Variants in MCTP1 observed in about 807,000 individuals in gnomAD.
MCTP1 encodes multiple C2 and transmembrane domain containing 1.
In MCTP1, 69 loss-of-function variants were observed where a neutral mutation model predicts 120.6. That is an observed-to-expected ratio of 0.57 (90% CI 0.47 to 0.70). The LOEUF (loss-of-function observed/expected upper bound fraction) is 0.70, where lower values mean the gene tolerates loss of function less well. Among genes scored for constraint, MCTP1 ranks in the 30% least tolerant of loss-of-function variants. MCTP1 has a pLI of 0.00. For synonymous variants in MCTP1, 529 were observed against 493.1 expected (o/e 1.07, Z -0.96); for missense variants, 1,203 against 1,248.8 (o/e 0.96, Z 0.55).
intron 1 of MCTP1, among the ~76,000 whole-genome samples, chr5:95,089,497 T>C (rs1435994132): frequency 2.6e-5 from 4 of 152,214 alleles, no homozygotes; most frequent in Admixed American, 6.5e-5. Flanking sequence ...TTATTAAGAA[T>C]AATACTTTGG....
intron 1 of MCTP1, among the ~76,000 whole-genome samples, chr5:95,161,610 A>G (rs1301069870): frequency 2.6e-5 from 4 of 152,192 alleles, no homozygotes; most frequent in Non-Finnish European, 1.5e-5. Flanking sequence ...CACAAAAAAT[A>G]TGTAATAAAT....
At chr5:94,935,660 C>A (rs1436727110) in intron 5 of MCTP1, among the ~76,000 whole-genome samples, 1 of 152,020 alleles carries the variant, frequency 6.6e-6, no homozygotes. Context: ...TTTGAACTAA[C>A]ATCTTCAGTG....
At chr5:94,798,455 A>G (rs924920546) in intron 18 of MCTP1, among the ~76,000 whole-genome samples, 3 of 152,162 alleles carry the variant, frequency 2.0e-5, no homozygotes, top group African/African-American at 4.8e-5. Flanking sequence ...CCTAGGTTAA[A>G]TGAAAGCTCC....
intron 1 of MCTP1, among the ~76,000 whole-genome samples, chr5:95,279,780 G>A (rs1760164311): frequency 6.6e-6 from 1 of 152,162 alleles, no homozygotes; most frequent in Non-Finnish European, 1.5e-5. Context: ...GGAATAAGCT[G>A]ATGATCCGAG....
At chr5:95,205,857 T>C (rs1306032050) in intron 1 of MCTP1, among the ~76,000 whole-genome samples, 2 of 152,034 alleles carry the variant, frequency 1.3e-5, no homozygotes, top group Non-Finnish European at 2.9e-5. Flanking sequence ...CTCACTAACA[T>C]AACTACAATC....
At chr5:94,999,470 A>ATG (rs1833237109) in intron 2 of MCTP1, among the ~76,000 whole-genome samples, 1 of 152,194 alleles carries the variant, frequency 6.6e-6, no homozygotes, top group South Asian at 2.1e-4. Flanking sequence ...GTCTATGCAC[A>ATG]TGATGAAGAA....
chr5:94,932,958 A>G (rs894213508), intron 5 of MCTP1, among the ~76,000 whole-genome samples: 4 of 151,986 alleles, frequency 2.6e-5, no homozygotes, highest in African/African-American at 9.7e-5. Context: ...AAATGAAAAG[A>G]TTTTTAATAT....
intron 1 of MCTP1, among the ~76,000 whole-genome samples, chr5:95,060,606 G>A (rs145242597): frequency 7.4e-4 from 113 of 152,256 alleles, no homozygotes; most frequent in African/African-American, 2.6e-3. Flanking sequence ...ATCGTCTGTT[G>A]CTAGTTTATG....
At chr5:95,178,112 C>G (rs2152509621) in intron 1 of MCTP1, among the ~76,000 whole-genome samples, 1 of 152,280 alleles carries the variant, frequency 6.6e-6, no homozygotes, top group East Asian at 1.9e-4. Flanking sequence ...TGTGACTCAG[C>G]AAAGGCAGCC....
At chr5:94,783,373 T>C (rs776542214) in intron 18 of MCTP1, among the ~76,000 whole-genome samples, 5 of 152,148 alleles carry the variant, frequency 3.3e-5, no homozygotes, top group Admixed American at 6.6e-5. Context: ...CTATAGACCA[T>C]ATATTTTATG....
chr5:94,708,576 G>A lies in MCTP1; in HGVS notation c.2864C>T (p.Pro955Leu), dbSNP rs1217027781. 6.2e-7 allele frequency: 1 copy of A among 1,610,836 alleles called. No homozygotes were observed. The change falls in exon 22 of 23, where the codon CCA becomes CTA. Residue 955 changes from proline to leucine, a missense_variant. By Grantham distance (98) the Pro-to-Leu change is moderately conservative. Coordinates refer to ENST00000515393, the MANE Select transcript of MCTP1 (RefSeq NM_024717.7). ...TAGTTCATTGTTATCAATTGCATATGGACTCCGAAGCTTTTTTGTAAATTT... is the reference window on the plus strand; with the variant it reads ...TAGTTCATTGTTATCAATTGCATATAGACTCCGAAGCTTTTTTGTAAATTT... ...INKFTKKLRS[P>L]YAIDNNELLD...
At chr5:94,830,137 A>C (rs1242302045) in intron 17 of MCTP1, among the ~76,000 whole-genome samples, 1 of 152,232 alleles carries the variant, frequency 6.6e-6, no homozygotes, top group Non-Finnish European at 1.5e-5. Flanking sequence ...GAGGTAAACA[A>C]AAGATTAAAA....
chr5:94,778,621 G>A (rs1225785968), intron 19 of MCTP1, among the ~76,000 whole-genome samples: 3 of 152,110 alleles, frequency 2.0e-5, no homozygotes, highest in Non-Finnish European at 4.4e-5. Context: ...CGGCAAGGGC[G>A]GTGAGCACTG....
intron 1 of MCTP1, among the ~76,000 whole-genome samples, chr5:95,236,965 G>T (rs560427838): frequency 6.6e-6 from 1 of 152,108 alleles, no homozygotes; most frequent in Non-Finnish European, 1.5e-5. Flanking sequence ...TCTTATTTAA[G>T]CCATTTTTAG....
chr5:95,245,372 A>G (rs1328548795), intron 1 of MCTP1, among the ~76,000 whole-genome samples: 1 of 152,188 alleles, frequency 6.6e-6, no homozygotes, highest in Non-Finnish European at 1.5e-5. Context: ...ATACTAAGAA[A>G]CTTCTCCGAG....
At chr5:94,710,123 A>G (rs1756316726) in intron 21 of MCTP1, 1 of 152,124 alleles carries the variant, frequency 6.6e-6, no homozygotes, top group Non-Finnish European at 1.5e-5. Flanking sequence ...TAGATCCTAG[A>G]GACTGAAAAT....
chr5:95,146,843 G>A (rs1214244018), intron 1 of MCTP1, among the ~76,000 whole-genome samples: 1 of 152,092 alleles, frequency 6.6e-6, no homozygotes, highest in East Asian at 1.9e-4. Flanking sequence ...TAAAAACCGT[G>A]TATATTTTGT....
intron 1 of MCTP1, among the ~76,000 whole-genome samples, chr5:95,206,947 T>C (rs1751692377): frequency 6.6e-6 from 1 of 152,192 alleles, no homozygotes; most frequent in African/African-American, 2.4e-5. Context: ...TTTCAGGAAA[T>C]TTGTTCATTA....
rs1181673647 is a variant in MCTP1, at chr5:94,881,405, A to C, written c.1933+7474T>G. On this transcript the variant is annotated intron_variant, in intron 12 of 22. Coordinates refer to ENST00000515393, the MANE Select transcript of MCTP1 (RefSeq NM_024717.7). ...CTTCTGATTAAATTTTCTAGAAGGAAGTTTGCTCTTTGGACCTAAACCTTG... is the reference window on the plus strand; with the variant it reads ...CTTCTGATTAAATTTTCTAGAAGGACGTTTGCTCTTTGGACCTAAACCTTG... Among the ~76,000 whole-genome samples the C allele has an allele frequency of 2.6e-5, 4 of 152,264 alleles. No individual in the cohort carries two copies. In the South Asian group the frequency reaches 8.3e-4, roughly 32 times the overall value.
Sources: allele counts gnomAD v4.1 joint callset (sites outside exome capture counted in the v4.1 genomes callset), GRCh38; gene constraint gnomAD v4.1.1; transcripts MANE v1.5; gene names NCBI Gene and HGNC (gene_info 2026-07-23, HGNC 2026-07-21).